The following CTIF variants were observed in gnomAD, a reference collection of about 807,000 sequenced individuals.
The protein encoded by CTIF is CBP80/20-dependent translation initiation factor.
Under a neutral mutation model 66.0 loss-of-function variants are expected in CTIF, and 21 were observed. That is an observed-to-expected ratio of 0.32 (90% CI 0.23 to 0.46). The LOEUF (loss-of-function observed/expected upper bound fraction) is 0.46, where lower values mean the gene tolerates loss of function less well. Among genes scored for constraint, CTIF ranks in the 20% least tolerant of loss-of-function variants. CTIF has a pLI of 1.00. For missense variants in CTIF, 739 were observed against 812.7 expected, an observed-to-expected ratio of 0.91 and a Z score of 1.10; for synonymous variants, 345 against 326.4, an observed-to-expected ratio of 1.06 and a Z score of -0.62.
chr18:48,843,167 G>A (rs2068987475), intron 10 of CTIF, among the ~76,000 whole-genome samples: 1 of 150,170 alleles, frequency 6.7e-6, no homozygotes, highest in Non-Finnish European at 1.5e-5. Context: ...TGCAGAGTCA[G>A]ACATACAGTG....
At chr18:48,560,800 T>A (rs192394362) in intron 1 of CTIF, among the ~76,000 whole-genome samples, 43 of 151,572 alleles carry the variant, frequency 2.8e-4, no homozygotes, top group Admixed American at 3.9e-4. Context: ...CACGATCTCC[T>A]AGGCTCCAGT....
chr18:48,692,469 C>T (rs1460866251), intron 6 of CTIF: 2 of 152,176 alleles, frequency 1.3e-5, no homozygotes, highest in Non-Finnish European at 2.9e-5. Flanking sequence ...TCTCTCACTT[C>T]CCCCTCTTTG....
At chr18:48,561,235 CAAAAA>C (rs36056519) in intron 1 of CTIF, among the ~76,000 whole-genome samples, 3 of 92,356 alleles carry the variant, frequency 3.2e-5, no homozygotes, top group East Asian at 3.0e-4. Context: ...GACTCTGTCT[CAAAAA>C]AAAAAAAAAA....
intron 6 of CTIF, among the ~76,000 whole-genome samples, chr18:48,700,241 G>A (rs569486395): frequency 6.8e-4 from 103 of 152,364 alleles, no homozygotes; most frequent in African/African-American, 2.0e-3. Flanking sequence ...CATGTAAGAT[G>A]TGACTTTGTT....
At chr18:48,713,550 G>A (rs2092250309) in intron 7 of CTIF, among the ~76,000 whole-genome samples, 1 of 152,118 alleles carries the variant, frequency 6.6e-6, no homozygotes, top group African/African-American at 2.4e-5. Flanking sequence ...ACCAATGTCC[G>A]GGTTAGGTCA....
chr18:48,615,475 C>T (rs899255515), intron 1 of CTIF, among the ~76,000 whole-genome samples: 47 of 152,168 alleles, frequency 3.1e-4, no homozygotes, highest in African/African-American at 1.1e-3. Flanking sequence ...CCCTGGAAAA[C>T]GAGAGTTCCT....
At chr18:48,699,136 C>G (rs1363624570) in intron 6 of CTIF, among the ~76,000 whole-genome samples, 1 of 152,158 alleles carries the variant, frequency 6.6e-6, no homozygotes, top group Non-Finnish European at 1.5e-5. Flanking sequence ...TACCCCCGAG[C>G]CTCCTGGTGC....
At chr18:48,613,260 A>G (rs556761287) in intron 1 of CTIF, among the ~76,000 whole-genome samples, 2 of 152,244 alleles carry the variant, frequency 1.3e-5, no homozygotes, top group South Asian at 2.1e-4. Flanking sequence ...GTGCTCTCCA[A>G]TGTCAGCCTT....
intron 7 of CTIF, among the ~76,000 whole-genome samples, chr18:48,749,416 C>T (rs1001067581): frequency 1.3e-5 from 2 of 152,144 alleles, no homozygotes; most frequent in Admixed American, 6.5e-5. Flanking sequence ...GAAACTATGC[C>T]CAAAGCTCAG....
At chr18:48,769,045 T>G (rs922110475) in intron 9 of CTIF, among the ~76,000 whole-genome samples, 1 of 152,300 alleles carries the variant, frequency 6.6e-6, no homozygotes, top group East Asian at 1.9e-4. Flanking sequence ...AAGAAACCCC[T>G]GCACTCTCCA....
In CTIF at chr18:48,641,470, G is replaced by A. The variant is rs551299720; in HGVS notation, c.252+4785G>A. ...ATCAGGCAGGTTCACCTGAAGCCCT[G>A]GGAAAGATGGGGGTGTGTCACAAAT... On this transcript the variant is annotated intron_variant, in intron 3 of 11. Transcript: ENST00000256413. Among the ~76,000 whole-genome samples the A allele has an allele frequency of 2.1e-3, 319 of 152,344 alleles. 2 individuals are homozygous for A. Among genetic ancestry groups the A allele is most frequent in the African/African-American group, 7.1e-3 (295 of 41,576 alleles).
At chr18:48,835,788 CTG>C (rs1183332353) in intron 10 of CTIF, among the ~76,000 whole-genome samples, 1 of 152,142 alleles carries the variant, frequency 6.6e-6, no homozygotes, top group Non-Finnish European at 1.5e-5. Context: ...GGAGAGGGGA[CTG>C]TGTGGGAGCT....
At position 48,552,045 on chromosome 18, in the gene CTIF, G is replaced by A. The variant is rs375715220; in HGVS notation, c.-29+12733G>A. ...TCTCTATCTCCTGACCTCGTGATCCGCCCGCCTAGGCCTCCCAAAGTGCTG... is the reference window on the plus strand; with the variant it reads ...TCTCTATCTCCTGACCTCGTGATCCACCCGCCTAGGCCTCCCAAAGTGCTG... On this transcript the variant is annotated intron_variant, in intron 1 of 11. Coordinates refer to ENST00000256413, the MANE Select transcript of CTIF (RefSeq NM_014772.3). Among the ~76,000 whole-genome samples the A allele has an allele frequency of 5.3e-5, 8 of 152,144 alleles. No individual in the cohort carries two copies. In the East Asian group the frequency reaches 1.4e-3, roughly 26 times the overall value.
At chr18:48,745,520 T>C (rs1233952738) in intron 7 of CTIF, among the ~76,000 whole-genome samples, 2 of 152,240 alleles carry the variant, frequency 1.3e-5, no homozygotes, top group Non-Finnish European at 1.5e-5. Context: ...ATTGTTCTTA[T>C]GGTGGTTGCC....
chr18:48,674,216 A>G (rs1393426341), intron 6 of CTIF, among the ~76,000 whole-genome samples: 2 of 152,266 alleles, frequency 1.3e-5, no homozygotes, highest in Admixed American at 1.3e-4. Context: ...GAAATGAGAC[A>G]TGCACAGATT....
Position 48,758,334 on chromosome 18 carries a change from A to T in CTIF, c.1000A>T (p.Ile334Phe). 4 of 1,612,546 alleles carry T rather than the reference A, an allele frequency of 2.5e-6. No individual in the cohort carries two copies. In the South Asian group the frequency reaches 3.3e-5, roughly 13 times the overall value. Reference sequence around the variant, plus strand: ...TAAAGACAGTATTCTTCCCGAGCGCATCGGGGAGCGGCCCAAAATTACCCT... The same window carrying T: ...TAAAGACAGTATTCTTCCCGAGCGCTTCGGGGAGCGGCCCAAAATTACCCT... ...KRKDSILPER[I>F]GERPKITLLQ... The change falls in exon 8 of 12, where the codon ATC becomes TTC. Residue 334 changes from isoleucine (I) to phenylalanine (F), a missense_variant. Ile to Phe is a conservative substitution (Grantham distance 21, BLOSUM62 0). Around this residue, in one of 2 missense-constraint regions of CTIF, gnomAD observed 529 missense variants for 520.3 expected, o/e 1.02. Transcript: ENST00000256413.
In CTIF at chr18:48,651,901, A is replaced by T. The variant is rs2091161683; in HGVS notation, c.253-11851A>T. On this transcript the variant is annotated intron_variant, in intron 3 of 11. Transcript: ENST00000256413. Reference sequence around the variant, plus strand: ...TAACAAAATGAAGGCAGAAATAAAGATGTTCTTTGAAACCAGTGAGAACAA... The same window carrying T: ...TAACAAAATGAAGGCAGAAATAAAGTTGTTCTTTGAAACCAGTGAGAACAA... Among the ~76,000 whole-genome samples, 3 of 152,224 alleles carry T rather than the reference A, an allele frequency of 2.0e-5. 1 individual carries two copies. In the South Asian group the frequency reaches 6.2e-4, roughly 32 times the overall value.
At chr18:48,670,561 G>A (rs2091514132) in intron 5 of CTIF, 108 bp from the exon 6 acceptor site, 1 of 958,174 alleles carries the variant, frequency 1.0e-6, no homozygotes. Flanking sequence ...GCTTGAGGGT[G>A]GGCAGCACCA....
At chr18:48,744,592 A>G (rs2092580232) in intron 7 of CTIF, among the ~76,000 whole-genome samples, 1 of 152,196 alleles carries the variant, frequency 6.6e-6, no homozygotes. Context: ...AGTTGCCAAA[A>G]TGATGCCCTT....
Sources: gnomAD v4.1 joint callset for allele counts (sites outside exome capture counted in the v4.1 genomes callset) on GRCh38, gnomAD v4.1.1 for gene constraint, gnomAD v4.1.1 regional missense constraint, MANE v1.5 for transcripts, NCBI Gene and HGNC (gene_info 2026-07-23, HGNC 2026-07-21) for gene names.